The following COQ9 variants were observed in gnomAD, a reference collection of about 807,000 sequenced individuals.
COQ9 encodes ubiquinone biosynthesis protein COQ9, mitochondrial.
Under a neutral mutation model 42.4 loss-of-function variants are expected in COQ9, and 35 were observed. That is an observed-to-expected ratio of 0.83 (90% CI 0.63 to 1.10). The LOEUF is 1.10. COQ9 is among the 50% of genes least tolerant of loss of function. The pLI, the probability that COQ9 is intolerant of heterozygous loss-of-function variation, is 0.00. For missense variants in COQ9, 406 were observed against 414.6 expected, an observed-to-expected ratio of 0.98 and a Z score of 0.18; for synonymous variants, 155 against 155.1, an observed-to-expected ratio of 1.00 and a Z score of 0.00.
At chr16:57,455,425 T>G (rs1317972928) in intron 3 of COQ9, among the ~76,000 whole-genome samples, 1 of 146,678 alleles carries the variant, frequency 6.8e-6, no homozygotes, top group Admixed American at 6.8e-5. Flanking sequence ...ATAAAATAAT[T>G]ATGGAAGTCA....
chr16:57,451,236 C>A (rs749579565), intron 2 of COQ9, 28 bp downstream of exon 2: 1 of 1,610,056 alleles, frequency 6.2e-7, no homozygotes, highest in Non-Finnish European at 8.5e-7. Flanking sequence ...TATTTCTGGC[C>A]ACTTCATATG....
chr16:57,456,761 C>A, intron 4 of COQ9, 115 bp downstream of exon 4: 1 of 1,386,630 alleles, frequency 7.2e-7, no homozygotes, highest in Non-Finnish European at 1.0e-6. Context: ...CAGCATTGGG[C>A]AGCCCTGCTG....
At chr16:57,458,742 C>T (rs1236050456) in intron 6 of COQ9, among the ~76,000 whole-genome samples, 1 of 152,190 alleles carries the variant, frequency 6.6e-6, no homozygotes, top group Admixed American at 6.5e-5. Flanking sequence ...AAAGAAATTC[C>T]CTTCCCCAGC....
chr16:57,451,071 T>C lies in COQ9; in HGVS notation c.105T>C (p.Arg35=). ...VARCRQALVP[R]AFHASAVGLR... is the part of the protein sequence containing the mutation. ...GTTGCCGACAAGCCCTGGTGCCGCG[T>C]GCCTTCCATGCTTCAGCTGTGGGGC... Residue 35 remains arginine (R), a synonymous_variant, in exon 2 of 9, where the codon CGT becomes CGC. Coordinates refer to ENST00000262507, the MANE Select transcript of COQ9 (RefSeq NM_020312.4). 6.2e-7 allele frequency: 1 copy of C among 1,614,208 alleles called. No homozygotes were observed. The highest frequency in any genetic ancestry group is 8.5e-7 in the Non-Finnish European group (1 of 1,180,040).
At chr16:57,455,816 A>G (rs1335445860) in intron 3 of COQ9, among the ~76,000 whole-genome samples, 2 of 152,142 alleles carry the variant, frequency 1.3e-5, no homozygotes, top group African/African-American at 4.8e-5. Flanking sequence ...CCAGGCTCAT[A>G]TGTGTAATCC....
intron 4 of COQ9, 75 bp from the exon 5 acceptor site, chr16:57,456,856 G>A (rs1176695262): frequency 4.9e-6 from 7 of 1,421,048 alleles, no homozygotes; most frequent in Non-Finnish European, 6.9e-6. Flanking sequence ...CTCCTCCCTA[G>A]GGCTGAGTAA....
At position 57,447,545 on chromosome 16, in the gene COQ9, G is replaced by C. The variant is rs751934309; in HGVS notation, c.40G>C (p.Gly14Arg). The C allele has an allele frequency of 3.6e-5, 47 of 1,306,876 alleles. No individual in the cohort carries two copies. The Admixed American group carries it at 1.6e-3, about 45-fold the overall frequency. 81.0% of individuals were successfully genotyped at this position (1,306,876 alleles called of 1,614,324 possible). A position where few individuals can be genotyped will look rare whatever the true frequency, so the allele number is the denominator to read the frequency against. ...GGTATCTGGTGCGCTTGGCCGGGCG[G>C]GCTGGAGGCTCCTGCAGCTGCGATG... ...AAVSGALGRA[G>R]WRLLQLRCLP... Residue 14 changes from glycine to arginine, a missense_variant, in exon 1 of 9, where the codon GGC (glycine) becomes CGC (arginine). Gly to Arg is a moderately radical substitution (Grantham distance 125, BLOSUM62 -2). Coordinates refer to ENST00000262507, the MANE Select transcript of COQ9 (RefSeq NM_020312.4).
At position 57,458,343 on chromosome 16, in the gene COQ9, C is replaced by T; in HGVS notation, c.704C>T (p.Ser235Phe). The change falls in exon 6 of 9, where the codon TCC becomes TTC. Residue 235 changes from serine (S) to phenylalanine (F), a missense_variant. By Grantham distance (155) the Ser-to-Phe change is radical. Coordinates refer to ENST00000262507, the MANE Select transcript of COQ9 (RefSeq NM_020312.4). ...ATGTGGCATTACGCTGGGGACCAGT[C>T]CACTGATGTGAGTGCTTTCTGCAGG... Reference protein sequence around the residue: ...DDMWHYAGDQSTDFNWYTRRA... With the variant: ...DDMWHYAGDQFTDFNWYTRRA... The T allele has an allele frequency of 6.2e-7, 1 of 1,609,430 alleles. No individual in the cohort carries two copies. Among genetic ancestry groups the T allele is most frequent in the Middle Eastern group, 1.7e-4 (1 of 6,060 alleles).
rs1280376912 is a variant in COQ9 at position 57,459,621 on chromosome 16, G to A, written c.768G>A (p.Leu256=). The A allele has an allele frequency of 6.2e-7, 1 of 1,614,224 alleles. No individual in the cohort carries two copies. The highest frequency in any genetic ancestry group is 1.7e-5 in the Admixed American group (1 of 60,022). The part of the protein sequence containing the change: ...MLAAIYNTTE[L]VMMQDSSPDF... ...CTGCCATCTACAACACAACAGAGCT[G>A]GTGATGATGCAGGACTCCTCTCCAG... Residue 256 remains leucine, a synonymous_variant, in exon 7 of 9, where the codon CTG becomes CTA. Coordinates refer to ENST00000262507, the MANE Select transcript of COQ9 (RefSeq NM_020312.4).
chr16:57,449,322 G>T (rs1251779945), intron 1 of COQ9, among the ~76,000 whole-genome samples: 1 of 152,138 alleles, frequency 6.6e-6, no homozygotes, highest in South Asian at 2.1e-4. Flanking sequence ...TATCTTAAGG[G>T]ATGTGGCCCT....
intron 7 of COQ9, 40 bp downstream of exon 7, chr16:57,459,760 G>T: frequency 6.2e-7 from 1 of 1,609,236 alleles, no homozygotes; most frequent in Non-Finnish European, 8.5e-7. Context: ...TCTTTAGAAG[G>T]CATACCTATT....
intron 3 of COQ9, 149 bp from the exon 4 acceptor site, chr16:57,456,355 C>A: frequency 2.5e-6 from 2 of 815,582 alleles, no homozygotes; most frequent in Non-Finnish European, 2.1e-6. Flanking sequence ...GTGGAGGGAC[C>A]GGTGGTGGTC....
chr16:57,452,398 T>C (rs537703871), intron 2 of COQ9, among the ~76,000 whole-genome samples: 1 of 152,328 alleles, frequency 6.6e-6, no homozygotes, highest in South Asian at 2.1e-4. Flanking sequence ...TCCCAGCGCT[T>C]TGGGAGGCCG....
intron 1 of COQ9, chr16:57,447,965 TC>T: frequency 5.5e-6 from 1 of 182,832 alleles, no homozygotes. Flanking sequence ...GTCCATTGTT[TC>T]CCGAAAGCCA....
chr16:57,449,139 T>C (rs1215077757), intron 1 of COQ9, among the ~76,000 whole-genome samples: 2 of 152,150 alleles, frequency 1.3e-5, no homozygotes, highest in East Asian at 3.8e-4. Context: ...GTCAGGATAG[T>C]GAATAATTAT....
intron 3 of COQ9, among the ~76,000 whole-genome samples, chr16:57,454,894 C>T (rs1384427309): frequency 6.6e-6 from 1 of 151,954 alleles, no homozygotes. Flanking sequence ...AAAGGTCAGT[C>T]GAGGTCAAAT....
intron 6 of COQ9, 69 bp downstream of exon 6, chr16:57,458,419 G>A: frequency 1.7e-6 from 2 of 1,185,670 alleles, no homozygotes; most frequent in Non-Finnish European, 2.5e-6. Context: ...CAAGAAGCTT[G>A]TGAAATTGCT....
chr16:57,450,505 CT>C (rs2030260779), intron 1 of COQ9, among the ~76,000 whole-genome samples: 1 of 151,444 alleles, frequency 6.6e-6, no homozygotes, highest in Non-Finnish European at 1.5e-5. Flanking sequence ...TACTTCTCAT[CT>C]TTCTTAAAGT....
intron 4 of COQ9, 104 bp from the exon 5 acceptor site, chr16:57,456,827 G>A (rs1171712927): frequency 1.7e-5 from 22 of 1,306,882 alleles, no homozygotes; most frequent in Admixed American, 3.7e-5. Context: ...TCAGGCCAGC[G>A]TCAGGAGCTG....
Sources: allele counts gnomAD v4.1 joint callset (sites outside exome capture counted in the v4.1 genomes callset), GRCh38; gene constraint gnomAD v4.1.1; transcripts MANE v1.5; gene names NCBI Gene and HGNC (gene_info 2026-07-23, HGNC 2026-07-21).